Variants in RBFOX1 observed in about 807,000 individuals in gnomAD.
RBFOX1 encodes the protein RNA binding fox-1 homolog 1.
In RBFOX1, 8 loss-of-function variants were observed where a neutral mutation model predicts 57.7. The ratio of observed to expected loss-of-function variants is 0.14; its 90% confidence interval spans 0.08 to 0.25. The LOEUF (loss-of-function observed/expected upper bound fraction) is 0.25, where lower values mean the gene tolerates loss of function less well. Ranked by LOEUF, RBFOX1 falls within the 10% of genes least tolerant of loss-of-function variation. RBFOX1 has a pLI of 1.00. For synonymous variants in RBFOX1, 326 were observed against 222.4 expected, an observed-to-expected ratio of 1.47 and a Z score of -4.15; for missense variants, 611 against 548.5, an observed-to-expected ratio of 1.11 and a Z score of -1.14.
chr16:5,483,188 G>C (rs1313159643), intron 2 of RBFOX1, among the ~76,000 whole-genome samples: 1 of 152,206 alleles, frequency 6.6e-6, no homozygotes, highest in Non-Finnish European at 1.5e-5. Context: ...CAGAGTCCTT[G>C]ATGGCTTGGA....
intron 3 of RBFOX1, among the ~76,000 whole-genome samples, chr16:6,875,954 T>C (rs1048447407): frequency 6.6e-6 from 1 of 152,060 alleles, no homozygotes; most frequent in Non-Finnish European, 1.5e-5. Flanking sequence ...GCTGCAATTA[T>C]GTCACTGCAC....
chr16:6,352,030 T>C (rs1320642331), intron 2 of RBFOX1, among the ~76,000 whole-genome samples: 1 of 152,184 alleles, frequency 6.6e-6, no homozygotes, highest in Non-Finnish European at 1.5e-5. Context: ...TCAGTGCTTT[T>C]TTCTGTCTGT....
At chr16:7,073,273 T>C (rs892922864) in intron 4 of RBFOX1, among the ~76,000 whole-genome samples, 11 of 152,302 alleles carry the variant, frequency 7.2e-5, no homozygotes, top group African/African-American at 2.6e-4. Context: ...AAGCCTAAAA[T>C]TTCTACTATT....
chr16:6,654,107 GGTGGA>G (rs2098627718), intron 2 of RBFOX1, among the ~76,000 whole-genome samples: 1 of 122,486 alleles, frequency 8.2e-6, no homozygotes, highest in Non-Finnish European at 1.9e-5. Flanking sequence ...TGGCTGTTTG[GGTGGA>G]TGGATGGATG....
chr16:7,447,756 C>G (rs1361917606), intron 4 of RBFOX1, among the ~76,000 whole-genome samples: 9 of 152,208 alleles, frequency 5.9e-5, no homozygotes, highest in African/African-American at 2.2e-4. Flanking sequence ...AAAGCCAAGT[C>G]TAGTGAGAGC....
intron 3 of RBFOX1, among the ~76,000 whole-genome samples, chr16:6,681,519 G>C (rs113189322): frequency 3.6e-3 from 287 of 79,680 alleles, no homozygotes; most frequent in African/African-American, 7.9e-3. Context: ...CTTGTCTCCA[G>C]AAGAGGTGTT....
chr16:5,877,498 A>G (rs193098682), intron 4 of RBFOX1, among the ~76,000 whole-genome samples: 51 of 152,302 alleles, frequency 3.3e-4, no homozygotes, highest in African/African-American at 1.1e-3. Flanking sequence ...TTCCTTTCCC[A>G]TTTACCCACA....
chr16:6,957,120 A>T lies in RBFOX1; in HGVS notation c.-15-94937A>T, dbSNP rs867871841. Among the ~76,000 whole-genome samples the T allele has an allele frequency of 7.1e-4, 86 of 120,850 alleles. No individual in the cohort carries two copies. In the Middle Eastern group the frequency reaches 0.013, roughly 18 times the overall value. 79.3% of individuals were successfully genotyped at this position (120,850 alleles called of 152,430 possible). On this transcript the variant is annotated intron_variant, in intron 3 of 15. Transcript: ENST00000550418. ...ATTTTATTTTTTTATTTTTATTTTT[A>T]TTTATTTATTTATTTATTTATTTAT...
chr16:6,408,364 G>T (rs116770274), intron 2 of RBFOX1, among the ~76,000 whole-genome samples: 1 of 152,114 alleles, frequency 6.6e-6, no homozygotes, highest in Admixed American at 6.5e-5. Context: ...CCAGTGGGAT[G>T]TATTTAATGT....
intron 4 of RBFOX1, among the ~76,000 whole-genome samples, chr16:7,369,187 A>C (rs947659521): frequency 5.9e-5 from 9 of 152,058 alleles, no homozygotes; most frequent in African/African-American, 2.2e-4. Flanking sequence ...ATTGACTCCA[A>C]GTCTTGCCAC....
intron 3 of RBFOX1, among the ~76,000 whole-genome samples, chr16:6,755,312 CCCA>C (rs1038459383): frequency 6.6e-6 from 1 of 152,144 alleles, no homozygotes; most frequent in African/African-American, 2.4e-5. Context: ...AGTTTACAGT[CCCA>C]CCAACAGTGT....
chr16:6,618,520 G>A (rs1667843944), intron 2 of RBFOX1, among the ~76,000 whole-genome samples: 1 of 152,080 alleles, frequency 6.6e-6, no homozygotes, highest in South Asian at 2.1e-4. Flanking sequence ...CGTTTAATGT[G>A]GATTTTGCTT....
chr16:6,286,216 C>G (rs1193448430), intron 1 of RBFOX1, among the ~76,000 whole-genome samples: 1 of 152,136 alleles, frequency 6.6e-6, no homozygotes, highest in African/African-American at 2.4e-5. Context: ...AACCCCCCAT[C>G]CCTGGTTTCT....
chr16:6,348,560 G>A (rs979815280), intron 2 of RBFOX1, among the ~76,000 whole-genome samples: 1 of 152,102 alleles, frequency 6.6e-6, no homozygotes, highest in African/African-American at 2.4e-5. Flanking sequence ...TTGGATCATG[G>A]TTCTGCACGC....
At chr16:5,547,537 A>G (rs2045262072) in intron 2 of RBFOX1, among the ~76,000 whole-genome samples, 1 of 152,194 alleles carries the variant, frequency 6.6e-6, no homozygotes, top group South Asian at 2.1e-4. Context: ...GCCTATTTAT[A>G]TGAATTCTAA....
chr16:6,697,577 G>C (rs1426495043), intron 3 of RBFOX1, among the ~76,000 whole-genome samples: 2 of 152,152 alleles, frequency 1.3e-5, no homozygotes, highest in Non-Finnish European at 2.9e-5. Flanking sequence ...TGAGTCAAAG[G>C]CTTATCCTGG....
intron 4 of RBFOX1, among the ~76,000 whole-genome samples, chr16:7,315,587 G>T (rs1289370422): frequency 6.6e-6 from 1 of 151,632 alleles, no homozygotes; most frequent in Non-Finnish European, 1.5e-5. Context: ...TGATGAAATT[G>T]AAGCAAATAT....
intron 1 of RBFOX1, among the ~76,000 whole-genome samples, chr16:6,162,259 A>G (rs1317810061): frequency 6.6e-6 from 1 of 152,146 alleles, no homozygotes; most frequent in Non-Finnish European, 1.5e-5. Flanking sequence ...CTGGGATTAC[A>G]GGCACACCAC....
At chr16:6,727,700 C>G (rs936002159) in intron 3 of RBFOX1, among the ~76,000 whole-genome samples, 2 of 152,156 alleles carry the variant, frequency 1.3e-5, no homozygotes, top group Non-Finnish European at 2.9e-5. Context: ...GTCCCTGGTA[C>G]ACCTATCAAA....
Sources: gnomAD v4.1 joint callset for allele counts (sites outside exome capture counted in the v4.1 genomes callset) on GRCh38, gnomAD v4.1.1 for gene constraint, MANE v1.5 for transcripts, NCBI Gene and HGNC (gene_info 2026-07-23, HGNC 2026-07-21) for gene names.